PTK2: variants seen among roughly 807,000 people sequenced by gnomAD.
The protein encoded by PTK2 is focal adhesion kinase 1.
Under a neutral mutation model 150.1 loss-of-function variants are expected in PTK2, and 45 were observed. The ratio of observed to expected loss-of-function variants is 0.30; its 90% CI spans 0.24 to 0.38. The LOEUF is 0.38. Among genes scored for constraint, PTK2 ranks in the 10% least tolerant of loss-of-function variants. The pLI, the probability that PTK2 is intolerant of heterozygous loss-of-function variation, is 1.00. For synonymous variants in PTK2, 432 were observed against 449.2 expected (o/e 0.96, Z 0.48); for missense variants, 919 against 1,307.3 (o/e 0.70, Z 4.58).
chr8:140,848,664 A>C (rs1230458862), intron 5 of PTK2, among the ~76,000 whole-genome samples: 1 of 152,210 alleles, frequency 6.6e-6, no homozygotes, highest in African/African-American at 2.4e-5. Context: ...TTCTACAAAT[A>C]GTAGAAGCTC....
intron 1 of PTK2, among the ~76,000 whole-genome samples, chr8:140,942,900 C>G (rs1375632010): frequency 6.6e-6 from 1 of 152,038 alleles, no homozygotes; most frequent in Non-Finnish European, 1.5e-5. Flanking sequence ...GTGCCATTCC[C>G]TTGGTGACAA....
chr8:140,814,110 A>C (rs2154601326), intron 10 of PTK2, among the ~76,000 whole-genome samples: 1 of 152,322 alleles, frequency 6.6e-6, no homozygotes, highest in South Asian at 2.1e-4. Flanking sequence ...CCAGGAAGAA[A>C]CTGAAGCCCT....
chr8:140,822,265 G>A (rs2100109097), intron 8 of PTK2: 1 of 152,090 alleles, frequency 6.6e-6, no homozygotes, highest in African/African-American at 2.4e-5. Flanking sequence ...TCAGAGTACA[G>A]CTGGAAAAAG....
chr8:140,962,297 GAGGGAGGGA>G (rs1277745016), intron 1 of PTK2, among the ~76,000 whole-genome samples: 14 of 124,476 alleles, frequency 1.1e-4, no homozygotes, highest in Middle Eastern at 4.1e-3. Flanking sequence ...GGAAGGGAGG[GAGGGAGGGA>G]AAAAAATTAT....
chr8:140,950,634 G>A (rs528599272), intron 1 of PTK2, among the ~76,000 whole-genome samples: 2 of 152,342 alleles, frequency 1.3e-5, no homozygotes, highest in South Asian at 4.1e-4. Flanking sequence ...CAGTGGGCAT[G>A]GGCAATACTC....
chr8:140,700,848 C>G, intron 26 of PTK2, 43 bp downstream of exon 29: 1 of 1,608,024 alleles, frequency 6.2e-7, no homozygotes, highest in Non-Finnish European at 8.5e-7. Flanking sequence ...TAGACTCTAA[C>G]AGGGCTTAAA....
At chr8:140,765,250 A>T (rs1446713575) in intron 14 of PTK2, 1 of 152,204 alleles carries the variant, frequency 6.6e-6, no homozygotes, top group African/African-American at 2.4e-5. Flanking sequence ...TTGACCTAGC[A>T]TCCTTGTTTA....
chr8:140,814,777 T>C (rs2100103642), intron 10 of PTK2, among the ~76,000 whole-genome samples: 1 of 142,242 alleles, frequency 7.0e-6, no homozygotes, highest in African/African-American at 2.6e-5. Context: ...TAAATTGTTC[T>C]TTTTTTTTTT....
At chr8:140,914,419 GT>G (rs35040889) in intron 2 of PTK2, among the ~76,000 whole-genome samples, 66,163 of 147,554 alleles carry the variant, frequency 0.45, 15,658 homozygotes, top group Non-Finnish European at 0.55. Context: ...CAAGTTTTGG[GT>G]TTTTTTTTTT....
intron 14 of PTK2, among the ~76,000 whole-genome samples, chr8:140,770,229 T>A (rs186244487): frequency 5.1e-4 from 77 of 152,352 alleles, no homozygotes; most frequent in African/African-American, 1.7e-3. Flanking sequence ...TTATAAATAA[T>A]CTTTGCTTTC....
At chr8:140,975,347 T>C (rs2100188889) in intron 1 of PTK2, among the ~76,000 whole-genome samples, 1 of 152,194 alleles carries the variant, frequency 6.6e-6, no homozygotes, top group Non-Finnish European at 1.5e-5. Context: ...AAGTGCAAAC[T>C]GCTTTGATCC....
exon 3 of PTK2, chr8:140,890,741 T>G (rs1318298983): frequency 6.2e-7 from 1 of 1,614,168 alleles, no homozygotes; most frequent in Admixed American, 1.7e-5. Flanking sequence ...CTGCCATTAT[T>G]TTGCTAGATG....
chr8:140,775,249 C>A (rs531626479), intron 14 of PTK2, among the ~76,000 whole-genome samples: 11 of 152,084 alleles, frequency 7.2e-5, no homozygotes, highest in Non-Finnish European at 1.6e-4. Flanking sequence ...CTAGGGGAGG[C>A]AGAGGTGGGC....
chr8:140,936,037 A>G (rs1423499037), intron 1 of PTK2, among the ~76,000 whole-genome samples: 1 of 152,108 alleles, frequency 6.6e-6, no homozygotes, highest in East Asian at 1.9e-4. Flanking sequence ...TAAGCCAGGC[A>G]TGGTGGCATG....
chr8:140,674,671 G>A (rs2100012526), intron 28 of PTK2, among the ~76,000 whole-genome samples: 2 of 152,070 alleles, frequency 1.3e-5, no homozygotes, highest in South Asian at 2.1e-4. Flanking sequence ...CCCAGGAGGT[G>A]GAGGTTGCGG....
chr8:140,727,500 A>G (rs2100046587), intron 22 of PTK2, among the ~76,000 whole-genome samples: 3 of 152,100 alleles, frequency 2.0e-5, no homozygotes, highest in African/African-American at 4.8e-5. Context: ...GCAAAAAAAA[A>G]AAAAAATACT....
intron 2 of PTK2, among the ~76,000 whole-genome samples, chr8:140,911,533 T>C (rs1243277029): frequency 6.6e-6 from 1 of 152,188 alleles, no homozygotes; most frequent in Non-Finnish European, 1.5e-5. Context: ...ATTTTAATAG[T>C]ATAATTTATA....
At chr8:140,675,754 G>GGTCATA (rs1167043550) in intron 27 of PTK2, 3 of 384,208 alleles carry the variant, frequency 7.8e-6, no homozygotes, top group African/African-American at 6.1e-5. Flanking sequence ...CAAACACAGT[G>GGTCATA]GTCATAACCC....
intron 22 of PTK2, among the ~76,000 whole-genome samples, chr8:140,728,622 G>A (rs541280504): frequency 1.3e-5 from 2 of 152,260 alleles, no homozygotes; most frequent in Admixed American, 6.5e-5. Flanking sequence ...GGGTTCATGC[G>A]ATTCTCCTGC....
Sources: gnomAD v4.1 joint callset for allele counts (sites outside exome capture counted in the v4.1 genomes callset) on GRCh38, gnomAD v4.1.1 for gene constraint, MANE v1.5 for transcripts, NCBI Gene and HGNC (gene_info 2026-07-23, HGNC 2026-07-21) for gene names.